CEP295: variants seen among roughly 807,000 people sequenced by gnomAD.
CEP295 encodes centrosomal protein 295.
A neutral mutation model predicts 291.6 loss-of-function variants in CEP295; 190 were observed. The observed-to-expected ratio is 0.65, with a 90% CI of 0.58 to 0.73. CEP295 has a LOEUF of 0.73. Ranked by LOEUF, CEP295 falls within the 30% of genes least tolerant of loss-of-function variation. CEP295 has a pLI of 0.00. For synonymous variants in CEP295, 993 were observed against 1,038.8 expected, an observed-to-expected ratio of 0.96 and a Z score of 0.85; for missense variants, 2,863 against 2,949.4, an observed-to-expected ratio of 0.97 and a Z score of 0.68.
intron 5 of CEP295, among the ~76,000 whole-genome samples, chr11:93,673,300 A>T (rs1950534512): frequency 6.6e-6 from 1 of 152,150 alleles, no homozygotes; most frequent in African/African-American, 2.4e-5. Context: ...ATATATGTAT[A>T]TGTGTATATG....
In CEP295 at chr11:93,687,861, A is replaced by T; in HGVS notation, c.1332A>T (p.Glu444Asp). ...SKERTLSSGQ[E>D]QVVESDTLTI... ...AGAGAACGTTATCCTCTGGGCAGGA[A>T]CAAGGTATTTCTCTCCAAGAGTCTC... The change falls in exon 10 of 30, where the codon GAA becomes GAT. Residue 444 changes from glutamate (E) to aspartate (D), a missense_variant. By Grantham distance (45) the Glu-to-Asp change is conservative (BLOSUM62 2). Coordinates refer to ENST00000325212, the MANE Select transcript of CEP295 (RefSeq NM_033395.2). The T allele has an allele frequency of 1.9e-6, 3 of 1,546,940 alleles. No individual in the cohort carries two copies. The highest frequency in any genetic ancestry group is 2.6e-6 in the Non-Finnish European group (3 of 1,144,394).
At chr11:93,678,773 CTG>C (rs1406290831) in intron 6 of CEP295, among the ~76,000 whole-genome samples, 4 of 152,098 alleles carry the variant, frequency 2.6e-5, no homozygotes, top group African/African-American at 9.7e-5. Context: ...AATCCAGACT[CTG>C]TGCCTCTTTC....
chr11:93,695,786 A>G, intron 13 of CEP295, 152 bp downstream of exon 13: 1 of 768,458 alleles, frequency 1.3e-6, no homozygotes, highest in Non-Finnish European at 1.9e-6. Context: ...CGAGACAGGC[A>G]GATCACTTCA....
At chr11:93,727,705 A>C (rs1954263780) in intron 24 of CEP295, 68 bp downstream of exon 24, 1 of 1,273,842 alleles carries the variant, frequency 7.9e-7, no homozygotes, top group African/African-American at 1.5e-5. Flanking sequence ...TTTTCTTCTA[A>C]AATTAGAGAT....
intron 5 of CEP295, among the ~76,000 whole-genome samples, chr11:93,671,867 C>G (rs1477979347): frequency 1.3e-5 from 2 of 152,072 alleles, no homozygotes; most frequent in African/African-American, 2.4e-5. Flanking sequence ...GCTGAAAATC[C>G]TGGGGAAATA....
At chr11:93,673,756 G>A (rs1278314886) in intron 5 of CEP295, among the ~76,000 whole-genome samples, 2 of 152,158 alleles carry the variant, frequency 1.3e-5, no homozygotes, top group Non-Finnish European at 2.9e-5. Flanking sequence ...GCCTCCCAAA[G>A]TGCTAGGATT....
intron 10 of CEP295, among the ~76,000 whole-genome samples, chr11:93,688,574 A>G: frequency 4.6e-5 from 1 of 21,720 alleles, no homozygotes; most frequent in East Asian, 0.016. Flanking sequence ...CAGCACCTTC[A>G]CTTGGTTTTC....
intron 17 of CEP295, among the ~76,000 whole-genome samples, chr11:93,704,312 T>C (rs1228786320): frequency 6.6e-6 from 1 of 152,288 alleles, no homozygotes; most frequent in African/African-American, 2.4e-5. Flanking sequence ...TGTACCTGTG[T>C]TTCTGAGCAT....
At chr11:93,669,604 A>C in intron 4 of CEP295, 73 bp from the exon 5 acceptor site, 1 of 948,578 alleles carries the variant, frequency 1.1e-6, no homozygotes, top group Non-Finnish European at 1.6e-6. Flanking sequence ...CCTATGACTT[A>C]CATATTTTTA....
At chr11:93,666,473 A>C (rs758933353) in intron 1 of CEP295, among the ~76,000 whole-genome samples, 9 of 152,078 alleles carry the variant, frequency 5.9e-5, no homozygotes, top group Non-Finnish European at 1.2e-4. Context: ...ATGCACCTGT[A>C]ATCCCAGCTA....
chr11:93,684,271 C>A, intron 9 of CEP295, 143 bp downstream of exon 9: 2 of 598,738 alleles, frequency 3.3e-6, no homozygotes, highest in Non-Finnish European at 5.6e-6. Flanking sequence ...AAGGATACAA[C>A]GTTTTTATAT....
intron 5 of CEP295, among the ~76,000 whole-genome samples, chr11:93,675,065 T>C (rs1950624728): frequency 6.6e-6 from 1 of 152,206 alleles, no homozygotes; most frequent in East Asian, 1.9e-4. Context: ...AGTTGTTTTG[T>C]TCTGGAGTAA....
At position 93,729,603 on chromosome 11, in the gene CEP295, T is replaced by C. The variant is rs1469714193; in HGVS notation, c.7400-11T>C. 10 of 1,549,832 alleles carry C rather than the reference T, an allele frequency of 6.5e-6. No homozygotes were observed. The highest frequency in any genetic ancestry group is 1.7e-4 in the Middle Eastern group (1 of 6,002). On this transcript the variant is annotated splice_polypyrimidine_tract_variant and intron_variant, in intron 26 of 29. Coordinates refer to ENST00000325212, the MANE Select transcript of CEP295 (RefSeq NM_033395.2). ...GCCTATTTCTGTCATAAATTTCTTT[T>C]CCCCCAGCAGAAACCCCTCGCAGGC...
At chr11:93,704,105 A>C (rs902627061) in intron 17 of CEP295, among the ~76,000 whole-genome samples, 1 of 151,996 alleles carries the variant, frequency 6.6e-6, no homozygotes, top group Non-Finnish European at 1.5e-5. Flanking sequence ...TCTTATGTGA[A>C]TTTCATAATT....
chr11:93,698,962 T>C lies in CEP295; in HGVS notation c.4050T>C (p.Asn1350=). 3.9e-6 allele frequency: 6 copies of C among 1,551,186 alleles called. No homozygotes were observed. Among genetic ancestry groups the C allele is most frequent in the Non-Finnish European group, 5.2e-6 (6 of 1,147,002 alleles). Residue 1350 remains asparagine, a synonymous_variant, in exon 15 of 30, where the codon AAT becomes AAC. Transcript: ENST00000325212. ...ISQLIQPQQD[N]LKALQEQLAT... The stretch of plus-strand genomic sequence containing the variant: ...AACTTATCCAGCCTCAACAAGATAA[T>C]TTGAAGGCACTTCAAGAACAGTTAG...
chr11:93,705,375 G>A (rs932296348), intron 17 of CEP295, among the ~76,000 whole-genome samples: 1 of 152,154 alleles, frequency 6.6e-6, no homozygotes, highest in Non-Finnish European at 1.5e-5. Flanking sequence ...AAAAGGAAAA[G>A]TCTAAAAAGA....
Position 93,687,624 on chromosome 11 carries a change from TC to T in CEP295, c.1115-17del. 7.3e-7 allele frequency: 1 copy of T among 1,366,922 alleles called. No homozygotes were observed. The highest frequency in any genetic ancestry group is 1.3e-5 in the South Asian group (1 of 74,980). 84.7% of individuals were successfully genotyped at this position (1,366,922 alleles called of 1,614,324 possible). On this transcript the variant is annotated intron_variant, in intron 9 of 29. Transcript: ENST00000325212. ...TACAATAGATGCTAAATAAGTTTTT[TC>T]CCTTTTTCTTTCTTTTAGTTCCCTT...
At chr11:93,694,671 A>G (rs1233700240) in intron 12 of CEP295, among the ~76,000 whole-genome samples, 2 of 152,250 alleles carry the variant, frequency 1.3e-5, no homozygotes, top group East Asian at 1.9e-4. Flanking sequence ...AGTTTACAGC[A>G]TGGATATGCT....
chr11:93,713,010 C>T (rs1953015949), intron 18 of CEP295, among the ~76,000 whole-genome samples: 3 of 151,014 alleles, frequency 2.0e-5, no homozygotes, highest in Non-Finnish European at 4.4e-5. Context: ...CAGATAATAT[C>T]TTATAACCCA....
Sources: gnomAD v4.1 joint callset for allele counts (sites outside exome capture counted in the v4.1 genomes callset) on GRCh38, gnomAD v4.1.1 for gene constraint, MANE v1.5 for transcripts, NCBI Gene and HGNC (gene_info 2026-07-23, HGNC 2026-07-21) for gene names.